TTC3: variants seen among roughly 807,000 people sequenced by gnomAD.
TTC3 encodes tetratricopeptide repeat domain 3.
In TTC3, 180 loss-of-function variants were observed where a neutral mutation model predicts 249.6. The ratio of observed to expected loss-of-function variants is 0.72; its 90% CI spans 0.64 to 0.82. The LOEUF (loss-of-function observed/expected upper bound fraction) is 0.82. TTC3 is among the 40% of genes least tolerant of loss of function. TTC3 has a pLI of 0.00. For missense variants in TTC3, 2,061 were observed against 2,398.4 expected, an observed-to-expected ratio of 0.86 and a Z score of 2.94; for synonymous variants, 717 against 805.0, an observed-to-expected ratio of 0.89 and a Z score of 1.85.
chr21:37,089,585 C>G (rs2072974031), intron 5 of TTC3, among the ~76,000 whole-genome samples: 1 of 152,126 alleles, frequency 6.6e-6, no homozygotes, highest in Non-Finnish European at 1.5e-5. Flanking sequence ...GAGATCTTGG[C>G]TCACTGCCAT....
chr21:37,152,022 G>A (rs1826002798), exon 26 of TTC3: 1 of 1,585,538 alleles, frequency 6.3e-7, no homozygotes, highest in Non-Finnish European at 8.5e-7. Flanking sequence ...AAAATGAAGA[G>A]CAGAAAGGTA....
intron 20 of TTC3, among the ~76,000 whole-genome samples, chr21:37,143,533 C>T (rs1262920768): frequency 6.6e-6 from 1 of 151,902 alleles, no homozygotes; most frequent in Non-Finnish European, 1.5e-5. Flanking sequence ...CAAATCAAAA[C>T]CACAATGAGA....
At position 37,152,840 on chromosome 21, in the gene TTC3, A is replaced by G. The variant is rs117517279; in HGVS notation, c.2414-111A>G. The G allele has an allele frequency of 5.6e-3, 5,024 of 892,274 alleles. 23 individuals are homozygous for G. The highest frequency in any genetic ancestry group is 0.013 in the Middle Eastern group (36 of 2,766). 55.3% of individuals were successfully genotyped at this position (892,274 alleles called of 1,614,324 possible). ...TAAAGTTTCTTGAGTTTAGTAAAAC[A>G]GTATAATCAATCTGAATCATATTTT... On this transcript the variant is annotated intron_variant, in intron 26 of 45. Coordinates refer to ENST00000355666, the Ensembl canonical transcript of TTC3.
intron 35 of TTC3, 41 bp downstream of exon 35, chr21:37,172,785 A>G (rs1271763356): frequency 1.2e-6 from 2 of 1,606,858 alleles, no homozygotes; most frequent in Non-Finnish European, 8.5e-7. Flanking sequence ...CATGTAGCAT[A>G]GTTAGGAGAA....
chr21:37,129,095 C>G, intron 16 of TTC3, 32 bp downstream of exon 16: 2 of 1,488,512 alleles, frequency 1.3e-6, no homozygotes, highest in Non-Finnish European at 1.8e-6. Context: ...TGTTTTTTTC[C>G]CCTTAATATA....
chr21:37,172,630 A>G (rs1569139259), exon 35 of TTC3: 2 of 1,613,792 alleles, frequency 1.2e-6, no homozygotes, highest in Non-Finnish European at 1.7e-6. Flanking sequence ...AGCACCAAGT[A>G]TTACAAGACC....
intron 41 of TTC3, 97 bp downstream of exon 41, chr21:37,192,310 A>C (rs1352991986): frequency 1.3e-6 from 1 of 755,814 alleles, no homozygotes; most frequent in Non-Finnish European, 2.1e-6. Context: ...AGTGAGGATG[A>C]GATTGGTTAA....
At position 37,172,751 on chromosome 21, in the gene TTC3, C is replaced by T; in HGVS notation, c.4617+7C>T. The stretch of plus-strand genomic sequence containing the variant: ...GCACTTAGAAGAAAACAAGGTAATC[C>T]TGTCTGAAACCTGTCTTTAATTGCA... On this transcript the variant is annotated splice_region_variant and intron_variant, in intron 35 of 45. Transcript: ENST00000355666. 6.2e-7 allele frequency: 1 copy of T among 1,613,210 alleles called. No homozygotes were observed.
intron 35 of TTC3, among the ~76,000 whole-genome samples, chr21:37,180,519 C>A (rs578115395): frequency 6.3e-5 from 9 of 142,846 alleles, no homozygotes; most frequent in African/African-American, 2.4e-4. Context: ...AACAAAAAAC[C>A]AAACACTGCA....
At chr21:37,097,989 A>G (rs895203121) in intron 10 of TTC3, 8 of 711,402 alleles carry the variant, frequency 1.1e-5, no homozygotes, top group Non-Finnish European at 2.1e-5. Flanking sequence ...CCAGTAATCC[A>G]ACCACCTTGG....
intron 11 of TTC3, among the ~76,000 whole-genome samples, chr21:37,114,887 A>G (rs1386003369): frequency 6.6e-6 from 1 of 152,162 alleles, no homozygotes; most frequent in Admixed American, 6.5e-5. Flanking sequence ...TTGTAGGGAC[A>G]TGGATGAAGC....
intron 31 of TTC3, among the ~76,000 whole-genome samples, chr21:37,162,722 G>T (rs2080878701): frequency 6.6e-6 from 1 of 151,944 alleles, no homozygotes. Flanking sequence ...TAAAATAATA[G>T]CCTGTCTTAG....
chr21:37,081,796 A>G (rs907234274), intron 1 of TTC3: 51 of 151,244 alleles, frequency 3.4e-4, no homozygotes, highest in African/African-American at 1.2e-3. Context: ...TTTCTCTTCA[A>G]CTGTGCCTAA....
intron 10 of TTC3, among the ~76,000 whole-genome samples, chr21:37,099,805 A>G (rs1336954229): frequency 6.6e-6 from 1 of 152,176 alleles, no homozygotes. Context: ...TGAACTCTCA[A>G]ATGTGTACCC....
chr21:37,158,712 A>G (rs932877543), intron 28 of TTC3, among the ~76,000 whole-genome samples: 3 of 152,068 alleles, frequency 2.0e-5, no homozygotes, highest in African/African-American at 7.2e-5. Context: ...TTTTTCCTCA[A>G]TTTATCTCAG....
At chr21:37,144,797 T>G in intron 21 of TTC3, 152 bp downstream of exon 21, 1 of 1,018,810 alleles carries the variant, frequency 9.8e-7, no homozygotes, top group Non-Finnish European at 1.4e-6. Context: ...TCTCTGACAT[T>G]TATTGAATGT....
At chr21:37,155,471 A>G (rs1000575248) in intron 27 of TTC3, among the ~76,000 whole-genome samples, 1 of 152,150 alleles carries the variant, frequency 6.6e-6, no homozygotes, top group African/African-American at 2.4e-5. Context: ...TTGTGTGAGT[A>G]TTCTACATGG....
chr21:37,075,934 A>G (rs2070794073), intron 1 of TTC3, among the ~76,000 whole-genome samples: 1 of 152,154 alleles, frequency 6.6e-6, no homozygotes, highest in South Asian at 2.1e-4. Flanking sequence ...ATTTTATTGT[A>G]GTATTTGATA....
intron 39 of TTC3, among the ~76,000 whole-genome samples, chr21:37,190,245 G>A (rs1193414212): frequency 2.2e-5 from 3 of 136,514 alleles, no homozygotes; most frequent in Non-Finnish European, 4.6e-5. Flanking sequence ...GGGTTCAAGT[G>A]ATTCTCCTGC....
Sources: allele counts gnomAD v4.1 joint callset (sites outside exome capture counted in the v4.1 genomes callset), GRCh38; gene constraint gnomAD v4.1.1; transcripts MANE v1.5; gene names NCBI Gene and HGNC (gene_info 2026-07-23, HGNC 2026-07-21).